Variants in SORCS2 observed in about 807,000 individuals in gnomAD.
The protein encoded by SORCS2 is VPS10 domain-containing receptor SorCS2.
A neutral mutation model predicts 141.6 loss-of-function variants in SORCS2; 100 were observed. The ratio of observed to expected loss-of-function variants is 0.71; its 90% CI spans 0.60 to 0.83. SORCS2 has a LOEUF of 0.83. Among genes scored for constraint, SORCS2 ranks in the 40% least tolerant of loss-of-function variants. SORCS2 has a pLI of 0.00. For synonymous variants in SORCS2, 789 were observed against 676.9 expected (o/e 1.17, Z -2.57); for missense variants, 1,646 against 1,560.2 (o/e 1.05, Z -0.93).
chr4:7,429,549 C>T (rs1251151657), intron 2 of SORCS2, among the ~76,000 whole-genome samples: 2 of 152,200 alleles, frequency 1.3e-5, no homozygotes, highest in Non-Finnish European at 2.9e-5. Flanking sequence ...CAGAGGCTAG[C>T]TGGAAGAACA....
At chr4:7,400,787 A>T (rs961667894) in intron 2 of SORCS2, among the ~76,000 whole-genome samples, 1 of 147,922 alleles carries the variant, frequency 6.8e-6, no homozygotes, top group Non-Finnish European at 1.5e-5. Flanking sequence ...GGATGGACAG[A>T]TAGATGAATG....
At chr4:7,276,828 C>T (rs537650658) in intron 1 of SORCS2, among the ~76,000 whole-genome samples, 39 of 152,290 alleles carry the variant, frequency 2.6e-4, no homozygotes, top group Admixed American at 2.0e-3. Context: ...ATTCATCACG[C>T]GGCAGACCCT....
At chr4:7,375,647 G>A (rs1219015996) in intron 1 of SORCS2, among the ~76,000 whole-genome samples, 2 of 152,232 alleles carry the variant, frequency 1.3e-5, no homozygotes, top group Non-Finnish European at 2.9e-5. Context: ...AGCCAGCTTT[G>A]TGTCACTGGT....
intron 23 of SORCS2, among the ~76,000 whole-genome samples, chr4:7,730,990 G>A (rs893156117): frequency 6.6e-6 from 1 of 152,212 alleles, no homozygotes; most frequent in African/African-American, 2.4e-5. Context: ...GAAGGACAGT[G>A]CACACTCCAG....
intron 3 of SORCS2, among the ~76,000 whole-genome samples, chr4:7,606,764 G>T (rs144141163): frequency 6.6e-6 from 1 of 152,170 alleles, no homozygotes; most frequent in Non-Finnish European, 1.5e-5. Context: ...AAGCAGAGGA[G>T]GGTGGGTGAC....
chr4:7,620,582 A>C (rs967672051), intron 3 of SORCS2, among the ~76,000 whole-genome samples: 9 of 152,248 alleles, frequency 5.9e-5, no homozygotes, highest in African/African-American at 1.9e-4. Flanking sequence ...CAAAAACAGT[A>C]GCAGGATGTG....
rs566161461 is a variant in SORCS2 at position 7,606,101 on chromosome 4, A to G, written c.649-32227A>G. Among the ~76,000 whole-genome samples the G allele has an allele frequency of 7.9e-5, 12 of 152,198 alleles. No homozygotes were observed. In the South Asian group the frequency reaches 2.5e-3, roughly 32 times the overall value. On this transcript the variant is annotated intron_variant, in intron 3 of 26. Transcript: ENST00000507866. ...ACTCCTTGAATTCCGAGCATTGAAC[A>G]TTTCTGCTCCCATGAACCACCCCTT...
chr4:7,240,648 A>C (rs1251418035), intron 1 of SORCS2, among the ~76,000 whole-genome samples: 11 of 152,078 alleles, frequency 7.2e-5, no homozygotes, highest in Admixed American at 7.2e-4. Context: ...CTGCATGTTG[A>C]AGGGCTGTCT....
intron 3 of SORCS2, among the ~76,000 whole-genome samples, chr4:7,577,067 A>T (rs1474474809): frequency 6.6e-6 from 1 of 152,192 alleles, no homozygotes; most frequent in Non-Finnish European, 1.5e-5. Flanking sequence ...GGAGAGGTTT[A>T]GGCACAGTCC....
intron 3 of SORCS2, among the ~76,000 whole-genome samples, chr4:7,636,278 C>T (rs557632363): frequency 6.8e-4 from 104 of 152,312 alleles, no homozygotes; most frequent in African/African-American, 2.4e-3. Flanking sequence ...GAACCACGTC[C>T]GGTACAGCCA....
intron 1 of SORCS2, among the ~76,000 whole-genome samples, chr4:7,347,528 A>G (rs1260490582): frequency 6.6e-6 from 1 of 152,190 alleles, no homozygotes; most frequent in East Asian, 1.9e-4. Flanking sequence ...AACTTGAGTG[A>G]GGCCCAGGGA....
At chr4:7,392,906 G>GAT (rs1560247156) in intron 1 of SORCS2, among the ~76,000 whole-genome samples, 1 of 149,888 alleles carries the variant, frequency 6.7e-6, no homozygotes, top group African/African-American at 2.5e-5. Context: ...GTCGGGGGGG[G>GAT]GGGGGTGCTG....
chr4:7,507,177 A>ATTTAT (rs71647608), intron 2 of SORCS2, among the ~76,000 whole-genome samples: 5 of 150,824 alleles, frequency 3.3e-5, no homozygotes, highest in South Asian at 4.2e-4. Context: ...CTTTTTTATT[A>ATTTAT]TTATTTATTT....
At chr4:7,237,239 C>A (rs1266391402) in intron 1 of SORCS2, among the ~76,000 whole-genome samples, 1 of 152,224 alleles carries the variant, frequency 6.6e-6, no homozygotes, top group Non-Finnish European at 1.5e-5. Context: ...AAATAGACAG[C>A]CTTTTCAAGA....
At chr4:7,283,284 G>T (rs1405250526) in intron 1 of SORCS2, among the ~76,000 whole-genome samples, 6 of 152,254 alleles carry the variant, frequency 3.9e-5, no homozygotes, top group African/African-American at 4.8e-5. Flanking sequence ...TTCCCTGCGG[G>T]AGAGGGTCGA....
At chr4:7,416,739 C>T (rs200363090) in intron 2 of SORCS2, among the ~76,000 whole-genome samples, 1 of 124,046 alleles carries the variant, frequency 8.1e-6, no homozygotes, top group African/African-American at 3.5e-5. Flanking sequence ...CACACGCATG[C>T]ACACACACTT....
At chr4:7,482,827 C>T in intron 2 of SORCS2, among the ~76,000 whole-genome samples, 1 of 150,124 alleles carries the variant, frequency 6.7e-6, no homozygotes, top group Non-Finnish European at 1.5e-5. Context: ...GCGGACACCC[C>T]TGGCTGCTGT....
intron 2 of SORCS2, among the ~76,000 whole-genome samples, chr4:7,493,543 G>A (rs1246595565): frequency 6.6e-6 from 1 of 152,194 alleles, no homozygotes; most frequent in African/African-American, 2.4e-5. Context: ...AACTTTCTAA[G>A]CCACTGCCTT....
rs768889064 is a variant in SORCS2, at chr4:7,704,169, C to G, written c.1761-8C>G. ...ACCCCAGAGATGCTGACGATCTTCT[C>G]CTGGCAGGTTCAGTGTGGACGAGGG... On this transcript the variant is annotated splice_region_variant and splice_polypyrimidine_tract_variant and intron_variant, in intron 13 of 26. Coordinates refer to ENST00000507866, the MANE Select transcript of SORCS2 (RefSeq NM_020777.3). 1.9e-6 allele frequency: 3 copies of G among 1,610,020 alleles called. No individual in the cohort carries two copies. In the South Asian group the frequency reaches 3.3e-5, roughly 18 times the overall value.
Sources: allele counts gnomAD v4.1 joint callset (sites outside exome capture counted in the v4.1 genomes callset), GRCh38; gene constraint gnomAD v4.1.1; transcripts MANE v1.5; gene names NCBI Gene and HGNC (gene_info 2026-07-23, HGNC 2026-07-21).